Variants in KCTD16 observed in about 807,000 individuals in gnomAD.
KCTD16 encodes the protein potassium channel tetramerization domain containing 16.
KCTD16 carries 13 observed loss-of-function variants against 33.2 expected under a neutral mutation model. That is an observed-to-expected ratio of 0.39 (90% CI 0.25 to 0.62). The LOEUF is 0.62. Ranked by LOEUF, KCTD16 falls within the 20% of genes least tolerant of loss-of-function variation. The pLI is 0.50. For missense variants in KCTD16, 441 were observed against 525.1 expected (o/e 0.84, Z 1.57); for synonymous variants, 197 against 195.3 (o/e 1.01, Z -0.07).
intron 3 of KCTD16, among the ~76,000 whole-genome samples, chr5:144,465,899 C>T (rs1388115749): frequency 9.4e-5 from 14 of 149,174 alleles, no homozygotes; most frequent in East Asian, 4.0e-4. Flanking sequence ...AGTGCAATGG[C>T]GCAATCTCTG....
intron 3 of KCTD16, among the ~76,000 whole-genome samples, chr5:144,209,199 C>G (rs149457323): frequency 6.6e-6 from 1 of 152,156 alleles, no homozygotes. Context: ...CAGTTATACC[C>G]TCCAAAAAGA....
At chr5:144,337,174 T>C (rs1003257309) in intron 3 of KCTD16, among the ~76,000 whole-genome samples, 4 of 152,008 alleles carry the variant, frequency 2.6e-5, no homozygotes, top group African/African-American at 7.2e-5. Flanking sequence ...ATATTTATGA[T>C]TATTACTAAG....
At chr5:144,404,880 G>A (rs1275403722) in intron 3 of KCTD16, among the ~76,000 whole-genome samples, 2 of 152,196 alleles carry the variant, frequency 1.3e-5, no homozygotes, top group East Asian at 3.8e-4. Context: ...AGCAGGTGCA[G>A]AGCTGGCAAG....
chr5:144,370,181 C>T (rs868247884), intron 3 of KCTD16, among the ~76,000 whole-genome samples: 1 of 151,974 alleles, frequency 6.6e-6, no homozygotes, highest in African/African-American at 2.4e-5. Context: ...GGATCCTGAT[C>T]CCCTGAGGAA....
chr5:144,271,493 A>G (rs1317864557), intron 3 of KCTD16, among the ~76,000 whole-genome samples: 1 of 152,008 alleles, frequency 6.6e-6, no homozygotes, highest in East Asian at 1.9e-4. Flanking sequence ...ATAGAAGGAA[A>G]TTACCTCAAC....
At chr5:144,430,355 G>A (rs888335322) in intron 3 of KCTD16, among the ~76,000 whole-genome samples, 1 of 152,138 alleles carries the variant, frequency 6.6e-6, no homozygotes, top group Non-Finnish European at 1.5e-5. Context: ...GGAAAGGAGT[G>A]GGGTAAGGTT....
chr5:144,435,279 A>G (rs955376781), intron 3 of KCTD16, among the ~76,000 whole-genome samples: 1 of 152,220 alleles, frequency 6.6e-6, no homozygotes, highest in Admixed American at 6.5e-5. Context: ...AATCAAAGAT[A>G]ACAGTAGTAT....
At chr5:144,173,893 C>G (rs1039495872) in intron 1 of KCTD16, among the ~76,000 whole-genome samples, 3 of 136,792 alleles carry the variant, frequency 2.2e-5, no homozygotes, top group African/African-American at 8.1e-5. Context: ...GTAGGAATTT[C>G]TTTTTGGATT....
At chr5:144,367,271 T>G (rs897543828) in intron 3 of KCTD16, among the ~76,000 whole-genome samples, 1 of 151,850 alleles carries the variant, frequency 6.6e-6, no homozygotes. Flanking sequence ...TGTAGAGCTG[T>G]GCAAACAAGC....
intron 3 of KCTD16, among the ~76,000 whole-genome samples, chr5:144,289,950 A>C (rs1006093002): frequency 2.0e-5 from 3 of 152,196 alleles, no homozygotes; most frequent in Non-Finnish European, 4.4e-5. Flanking sequence ...AACATTTATT[A>C]ATAAACATTT....
chr5:144,474,486 G>C lies in KCTD16; in HGVS notation c.*372G>C. The stretch of plus-strand genomic sequence containing the variant: ...CTTCTACCTCCCTCCTTTGAATGAG[G>C]GTATGGTAGAAAAAGATCTGGCCCA... On this transcript the variant is annotated 3_prime_UTR_variant, in exon 4 of 4. Transcript: ENST00000512467. The C allele has an allele frequency of 5.7e-6, 1 of 174,534 alleles. No homozygotes were observed. Among genetic ancestry groups the C allele is most frequent in the Non-Finnish European group, 1.2e-5 (1 of 82,082 alleles). The allele number at this position is 174,534 out of a possible 1,614,324, so 10.8% of individuals were successfully genotyped here. A position where few individuals can be genotyped will look rare whatever the true frequency, so the allele number is the denominator to read the frequency against.
chr5:144,478,356 A>G lies in KCTD16; in HGVS notation c.*4242A>G, dbSNP rs1754637822. 1.3e-5 allele frequency: 2 copies of G among 152,072 alleles called. No individual in the cohort carries two copies. The highest frequency in any genetic ancestry group is 2.9e-5 in the Non-Finnish European group (2 of 67,968). The allele number at this position is 152,072 out of a possible 1,614,324, so 9.4% of individuals were successfully genotyped here. On this transcript the variant is annotated 3_prime_UTR_variant, in exon 4 of 4. Coordinates refer to ENST00000512467, the MANE Select transcript of KCTD16 (RefSeq NM_020768.4). ...CTCTCTACCCCTGCTGAAAGAATAG[A>G]GTCTTAAACTTTAATAATCACAGCC...
rs62401249 is a variant in KCTD16 at position 144,203,372 on chromosome 5, C to A, written c.-326-3017C>A. Among the ~76,000 whole-genome samples the A allele has an allele frequency of 3.9e-3, 587 of 152,040 alleles. 4 individuals are homozygous for A. Among genetic ancestry groups the A allele is most frequent in the Middle Eastern group, 0.027 (8 of 294 alleles). ...TGCAATTTGTTGTTTCAAAAAAAAT[C>A]TTGTTTCTTAAACTTGCCGCCTCTC... On this transcript the variant is annotated intron_variant, in intron 2 of 3. Coordinates refer to ENST00000512467, the MANE Select transcript of KCTD16 (RefSeq NM_020768.4).
rs1407911141 is a variant in KCTD16 at position 144,295,676 on chromosome 5, GA to G, written c.832+88133del. Reference sequence around the variant, plus strand: ...GAATATATTACCTTACATGGCAAAGGAAACTTTGCAGATGTAATTAAGGGTA... The same window carrying G: ...GAATATATTACCTTACATGGCAAAGGAACTTTGCAGATGTAATTAAGGGTA... On this transcript the variant is annotated intron_variant, in intron 3 of 3. Transcript: ENST00000512467. Among the ~76,000 whole-genome samples, 4 of 152,180 alleles carry G rather than the reference GA, an allele frequency of 2.6e-5. No individual in the cohort carries two copies. In the East Asian group the frequency reaches 7.7e-4, roughly 29 times the overall value.
chr5:144,337,210 G>A lies in KCTD16; in HGVS notation c.832+129664G>A, dbSNP rs117384093. ...GCTATAATGGGCATTTTTGCGTTGC[G>A]TGCTGTAGAATGATTTCTCCAGGAT... On this transcript the variant is annotated intron_variant, in intron 3 of 3. Transcript: ENST00000512467. Among the ~76,000 whole-genome samples, 410 of 151,890 alleles carry A rather than the reference G, an allele frequency of 2.7e-3. 9 individuals carry two copies. In the East Asian group the frequency reaches 0.053, roughly 20 times the overall value.
chr5:144,373,511 C>A (rs973148044), intron 3 of KCTD16, among the ~76,000 whole-genome samples: 1 of 152,126 alleles, frequency 6.6e-6, no homozygotes. Flanking sequence ...ATCCTGTAAT[C>A]CCACTATCTA....
In KCTD16 at chr5:144,176,795, T is replaced by C. The variant is rs201346583; in HGVS notation, c.-327+2323T>C. 2.0e-5 allele frequency among the ~76,000 whole-genome samples: 3 copies of C among 152,360 alleles called. No individual in the cohort carries two copies. The East Asian group carries it at 5.8e-4, about 29-fold the overall frequency. On this transcript the variant is annotated intron_variant, in intron 2 of 3. Coordinates refer to ENST00000512467, the MANE Select transcript of KCTD16 (RefSeq NM_020768.4). ...AAATTACTGCAAGCGTGATATATTA[T>C]GGTTTAGGTTCTCTAGGCAGTATAC...
intron 3 of KCTD16, among the ~76,000 whole-genome samples, chr5:144,266,837 A>T (rs1030688016): frequency 2.0e-5 from 3 of 152,118 alleles, no homozygotes; most frequent in African/African-American, 7.2e-5. Flanking sequence ...GAAAAAATTC[A>T]TTGAAGCAGA....
At chr5:144,401,497 G>C (rs1580933842) in intron 3 of KCTD16, among the ~76,000 whole-genome samples, 1 of 152,148 alleles carries the variant, frequency 6.6e-6, no homozygotes, top group Non-Finnish European at 1.5e-5. Context: ...CTTTTGATTT[G>C]TTTCCATGTA....
Sources: gnomAD v4.1 joint callset for allele counts (sites outside exome capture counted in the v4.1 genomes callset) on GRCh38, gnomAD v4.1.1 for gene constraint, MANE v1.5 for transcripts, NCBI Gene and HGNC (gene_info 2026-07-23, HGNC 2026-07-21) for gene names.